Variants in CACNA2D3 observed in about 807,000 individuals in gnomAD.
CACNA2D3 encodes the protein calcium voltage-gated channel auxiliary subunit alpha2delta 3, also known as voltage-dependent calcium channel subunit alpha-2/delta-3.
CACNA2D3 carries 60 observed loss-of-function variants against 160.6 expected under a neutral mutation model. The ratio of observed to expected loss-of-function variants is 0.37; its 90% CI spans 0.30 to 0.46. CACNA2D3 has a LOEUF of 0.46. Ranked by LOEUF, CACNA2D3 falls within the 20% of genes least tolerant of loss-of-function variation. The pLI is 1.00. For missense variants in CACNA2D3, 1,205 were observed against 1,365.0 expected (o/e 0.88, Z 1.85); for synonymous variants, 558 against 492.9 (o/e 1.13, Z -1.75).
intron 35 of CACNA2D3, among the ~76,000 whole-genome samples, chr3:55,069,151 G>A (rs918288764): frequency 2.0e-4 from 30 of 152,038 alleles, no homozygotes; most frequent in African/African-American, 6.3e-4. Flanking sequence ...ATTGTCTCAC[G>A]AGTTTCGATG....
chr3:54,152,662 C>T lies in CACNA2D3; in HGVS notation c.204+29068C>T, dbSNP rs375926116. 2.8e-4 allele frequency among the ~76,000 whole-genome samples: 42 copies of T among 152,352 alleles called. 2 individuals carry two copies. In the South Asian group the frequency reaches 8.7e-3, roughly 32 times the overall value. Reference sequence around the variant, plus strand: ...AATGAAACCACAGAATGCAATTGTCCTGTCTTCCCTTCTTAATGTTTAATA... The same window carrying T: ...AATGAAACCACAGAATGCAATTGTCTTGTCTTCCCTTCTTAATGTTTAATA... On this transcript the variant is annotated intron_variant, in intron 2 of 37. Coordinates refer to ENST00000474759, the MANE Select transcript of CACNA2D3 (RefSeq NM_018398.3).
At chr3:54,662,872 C>A (rs771485802) in intron 11 of CACNA2D3, among the ~76,000 whole-genome samples, 2 of 152,286 alleles carry the variant, frequency 1.3e-5, no homozygotes, top group East Asian at 3.9e-4. Flanking sequence ...AGTTTGATGA[C>A]CAACTTAGGC....
chr3:54,140,969 C>A (rs1159322780), intron 2 of CACNA2D3, among the ~76,000 whole-genome samples: 1 of 151,916 alleles, frequency 6.6e-6, no homozygotes, highest in South Asian at 2.1e-4. Context: ...TGGTCCTCAG[C>A]CATGACTATA....
chr3:54,986,102 A>G (rs142177246), intron 30 of CACNA2D3, among the ~76,000 whole-genome samples: 3 of 152,242 alleles, frequency 2.0e-5, no homozygotes, highest in African/African-American at 4.8e-5. Flanking sequence ...GCCTAGAGGG[A>G]GGAGCTCTAG....
intron 9 of CACNA2D3, among the ~76,000 whole-genome samples, chr3:54,602,186 T>A (rs1434084607): frequency 6.6e-6 from 1 of 152,098 alleles, no homozygotes; most frequent in Non-Finnish European, 1.5e-5. Flanking sequence ...GTTCAAAAAT[T>A]ATTATGAGCT....
chr3:54,446,450 C>T (rs1035811804), intron 4 of CACNA2D3, among the ~76,000 whole-genome samples: 2 of 152,258 alleles, frequency 1.3e-5, no homozygotes, highest in South Asian at 4.1e-4. Context: ...TGTCTGGGCC[C>T]ACAGATAAAG....
At chr3:54,530,934 G>T (rs925821355) in intron 5 of CACNA2D3, among the ~76,000 whole-genome samples, 1 of 152,118 alleles carries the variant, frequency 6.6e-6, no homozygotes, top group East Asian at 1.9e-4. Flanking sequence ...GTTTCTCAGG[G>T]CTCAGGTGGG....
At chr3:54,811,465 C>CTTTTTTGTTTTTTT (rs1703312444) in intron 13 of CACNA2D3, among the ~76,000 whole-genome samples, 1 of 111,562 alleles carries the variant, frequency 9.0e-6, no homozygotes, top group East Asian at 3.0e-4. Context: ...TCCCTCAGTT[C>CTTTTTTGTTTTTTT]TTTTTTTTTT....
At chr3:54,896,688 T>A in intron 25 of CACNA2D3, 61 bp from the exon 26 acceptor site, 1 of 1,609,378 alleles carries the variant, frequency 6.2e-7, no homozygotes, top group Non-Finnish European at 8.5e-7. Context: ...GTCGGGGTGC[T>A]CCAGGCCCAC....
intron 11 of CACNA2D3, among the ~76,000 whole-genome samples, chr3:54,649,278 G>T (rs1699714210): frequency 6.6e-6 from 1 of 152,182 alleles, no homozygotes; most frequent in African/African-American, 2.4e-5. Context: ...ATGTTGAAAT[G>T]TAGGGTCTTT....
At chr3:54,801,444 T>C (rs1559586827) in intron 13 of CACNA2D3, among the ~76,000 whole-genome samples, 1 of 152,170 alleles carries the variant, frequency 6.6e-6, no homozygotes, top group Non-Finnish European at 1.5e-5. Context: ...TTCACCTTCT[T>C]GAAAAGTTGA....
intron 27 of CACNA2D3, among the ~76,000 whole-genome samples, chr3:54,932,706 A>G (rs376630929): frequency 6.6e-6 from 1 of 152,146 alleles, no homozygotes; most frequent in Admixed American, 6.5e-5. Context: ...AAATATGAGC[A>G]TTTCTCCCAA....
At chr3:54,780,807 T>C (rs1159283769) in intron 13 of CACNA2D3, among the ~76,000 whole-genome samples, 1 of 152,176 alleles carries the variant, frequency 6.6e-6, no homozygotes, top group African/African-American at 2.4e-5. Flanking sequence ...TGTAACAGTA[T>C]ACTAAAGGAG....
chr3:54,312,885 C>T lies in CACNA2D3; in HGVS notation c.205-7557C>T, dbSNP rs546323244. On this transcript the variant is annotated intron_variant, in intron 2 of 37. Coordinates refer to ENST00000474759, the MANE Select transcript of CACNA2D3 (RefSeq NM_018398.3). ...AAATCCACAGGCTGCCTTGCTGGGGCATCTCTGCTTACTGCACCAAGCCGG... is the reference window on the plus strand; with the variant it reads ...AAATCCACAGGCTGCCTTGCTGGGGTATCTCTGCTTACTGCACCAAGCCGG... Among the ~76,000 whole-genome samples the T allele has an allele frequency of 3.9e-5, 6 of 152,328 alleles. No individual in the cohort carries two copies. The South Asian group carries it at 6.2e-4, about 16-fold the overall frequency.
chr3:54,831,568 C>G (rs1026619213), intron 14 of CACNA2D3, among the ~76,000 whole-genome samples: 4 of 152,224 alleles, frequency 2.6e-5, no homozygotes, highest in African/African-American at 9.6e-5. Flanking sequence ...ACATAAAATT[C>G]TAGTGACAAT....
intron 3 of CACNA2D3, among the ~76,000 whole-genome samples, chr3:54,345,647 GA>G (rs1365104701): frequency 6.6e-6 from 1 of 152,122 alleles, no homozygotes; most frequent in African/African-American, 2.4e-5. Context: ...ACAGGAAAAG[GA>G]AGACTTTTTT....
chr3:54,830,766 C>T (rs747940362), intron 14 of CACNA2D3, among the ~76,000 whole-genome samples: 30 of 152,140 alleles, frequency 2.0e-4, no homozygotes, highest in African/African-American at 6.0e-4. Flanking sequence ...CGTGAGTCAC[C>T]GCACCTGGCC....
rs1700767303 is a variant in CACNA2D3, at chr3:54,919,310, AAAAAT to A, written c.2449+19451_2449+19455del. 2.6e-5 allele frequency among the ~76,000 whole-genome samples: 4 copies of A among 152,344 alleles called. No homozygotes were observed. The South Asian group carries it at 8.3e-4, about 32-fold the overall frequency. ...CAGATTCCCATTGAAAATCTAAGGA[AAAAAT>A]AAAATAAATGTGCATTGTTGTGATG... is the stretch of plus-strand genomic sequence containing the variant. On this transcript the variant is annotated intron_variant, in intron 27 of 37. Transcript: ENST00000474759.
At chr3:54,987,125 A>C (rs896736579) in intron 30 of CACNA2D3, among the ~76,000 whole-genome samples, 2 of 152,058 alleles carry the variant, frequency 1.3e-5, no homozygotes, top group South Asian at 2.1e-4. Flanking sequence ...GGATAGTCTT[A>C]CTCTTGGTCA....
Sources: gnomAD v4.1 joint callset for allele counts (sites outside exome capture counted in the v4.1 genomes callset) on GRCh38, gnomAD v4.1.1 for gene constraint, MANE v1.5 for transcripts, NCBI Gene and HGNC (gene_info 2026-07-23, HGNC 2026-07-21) for gene names.